Variants in PCDHGA4 observed in about 807,000 individuals in gnomAD.
The protein encoded by PCDHGA4 is protocadherin gamma subfamily A, 4, also known as protocadherin gamma-A4.
In PCDHGA4, 38 loss-of-function variants were observed where a neutral mutation model predicts 54.6. That is an observed-to-expected ratio of 0.70 (90% confidence interval 0.54 to 0.91). The LOEUF is 0.91. Among genes scored for constraint, PCDHGA4 ranks in the 40% least tolerant of loss-of-function variants. The pLI, the probability that PCDHGA4 is intolerant of heterozygous loss-of-function variation, is 0.00. For synonymous variants in PCDHGA4, 511 were observed against 512.9 expected, an observed-to-expected ratio of 1.00 and a Z score of 0.05; for missense variants, 1,298 against 1,220.9, an observed-to-expected ratio of 1.06 and a Z score of -0.94.
chr5:141,400,513 C>A, intron 1 of PCDHGA4: 1 of 1,613,994 alleles, frequency 6.2e-7, no homozygotes, highest in Non-Finnish European at 8.5e-7. Context: ...GTCGACTTCC[C>A]ATCCTGAGTT....
intron 1 of PCDHGA4, chr5:141,364,288 A>G (rs1051262701): frequency 5.9e-6 from 9 of 1,517,572 alleles, no homozygotes; most frequent in Non-Finnish European, 7.9e-6. Context: ...AGGAAACAGC[A>G]GGCTGAACCA....
intron 1 of PCDHGA4, among the ~76,000 whole-genome samples, chr5:141,381,826 CTTTTTTTTTTTT>C (rs770630741): frequency 2.7e-5 from 2 of 74,284 alleles, no homozygotes; most frequent in Non-Finnish European, 4.7e-5. Flanking sequence ...CTTTCTTCTT[CTTTTTTTTTTTT>C]TTTTTTTTTT....
Position 141,365,841 on chromosome 5 carries a change from A to G in PCDHGA4, c.2514+8220A>G, listed in dbSNP as rs765506735. 13 of 1,613,714 alleles carry G rather than the reference A, an allele frequency of 8.1e-6. No individual in the cohort carries two copies. The Admixed American group carries it at 8.3e-5, about 10-fold the overall frequency. On this transcript the variant is annotated intron_variant, in intron 1 of 3. Coordinates refer to ENST00000571252, the MANE Select transcript of PCDHGA4 (RefSeq NM_018917.4). ...TTTCAGGGGGCGCCCTTGTCCTCCT[A>G]TGTATCCATTAACTCTGACACCGGT... is the stretch of plus-strand genomic sequence containing the variant.
At chr5:141,376,211 G>A (rs1772408440) in intron 1 of PCDHGA4, 1 of 1,614,180 alleles carries the variant, frequency 6.2e-7, no homozygotes, top group Admixed American at 1.7e-5. Context: ...CTTCGTCATC[G>A]TGCTGCTGGC....
At chr5:141,462,122 C>A (rs1437400069) in intron 1 of PCDHGA4, among the ~76,000 whole-genome samples, 3 of 152,044 alleles carry the variant, frequency 2.0e-5, no homozygotes, top group Admixed American at 6.6e-5. Context: ...TGCACCCAGT[C>A]CAATTTTTTG....
At chr5:141,376,180 G>A (rs113596971) in intron 1 of PCDHGA4, 2 of 1,614,100 alleles carry the variant, frequency 1.2e-6, no homozygotes, top group Non-Finnish European at 8.5e-7. Context: ...CGGTGGCCGC[G>A]GTCTCCTGCG....
In PCDHGA4 at chr5:141,485,068, T is replaced by C; in HGVS notation, c.2515-9739T>C. On this transcript the variant is annotated intron_variant, in intron 1 of 3. Transcript: ENST00000571252. The surrounding 1 kb of genome is among the most constrained non-coding windows in gnomAD (Gnocchi z 5.7). ...GGCGCCGGCCGAACCGCGCCAGAGCTGGCGCGGGGAAAGGGAGATAGGTGT... is the reference window on the plus strand; with the variant it reads ...GGCGCCGGCCGAACCGCGCCAGAGCCGGCGCGGGGAAAGGGAGATAGGTGT... 1 of 896,972 alleles carries C rather than the reference T, an allele frequency of 1.1e-6. No homozygotes were observed. The highest frequency in any genetic ancestry group is 1.6e-5 in the South Asian group (1 of 61,812). The allele number at this position is 896,972 out of a possible 1,614,324, so 55.6% of individuals were successfully genotyped here. A position where few individuals can be genotyped will look rare whatever the true frequency, so the allele number is the denominator to read the frequency against.
At chr5:141,502,441 GAT>G (rs2099814262) in intron 2 of PCDHGA4, among the ~76,000 whole-genome samples, 1 of 152,000 alleles carries the variant, frequency 6.6e-6, no homozygotes, top group Non-Finnish European at 1.5e-5. Flanking sequence ...GTTAGATTCA[GAT>G]TACACACCTT....
chr5:141,395,542 TTGTGTGTGTGTGTGTGTGTG>T (rs55729045), intron 1 of PCDHGA4: 12 of 172,620 alleles, frequency 7.0e-5, no homozygotes, highest in Admixed American at 1.6e-4. Flanking sequence ...TTGCTATTGT[TTGTGTGTGTGTGTGTGTGTG>T]TGTGTGTGTG....
intron 1 of PCDHGA4, among the ~76,000 whole-genome samples, chr5:141,482,633 G>T (rs1218163238): frequency 2.0e-5 from 3 of 151,784 alleles, no homozygotes; most frequent in Non-Finnish European, 2.9e-5. Flanking sequence ...AGGAAGAAAT[G>T]ATAGAGGTGG....
chr5:141,402,921 T>C (rs1486440819), intron 1 of PCDHGA4: 1 of 1,575,122 alleles, frequency 6.3e-7, no homozygotes. Context: ...CGCACAGAGA[T>C]CCTTTTGAGA....
intron 2 of PCDHGA4, among the ~76,000 whole-genome samples, chr5:141,504,869 C>T (rs919109041): frequency 6.6e-6 from 1 of 152,134 alleles, no homozygotes; most frequent in Admixed American, 6.5e-5. Flanking sequence ...CCCACCTTCA[C>T]AGTCCTCTGG....
intron 1 of PCDHGA4, among the ~76,000 whole-genome samples, chr5:141,457,904 T>C (rs960822555): frequency 6.0e-5 from 9 of 150,288 alleles, no homozygotes; most frequent in African/African-American, 2.2e-4. Context: ...GTAGACAAGG[T>C]GTGAGGCCAG....
chr5:141,478,272 A>T, intron 1 of PCDHGA4: 7 of 1,614,160 alleles, frequency 4.3e-6, no homozygotes, highest in Non-Finnish European at 5.9e-6. Context: ...AAAGTTTACA[A>T]GTGGAAGCAG....
intron 1 of PCDHGA4, among the ~76,000 whole-genome samples, chr5:141,450,363 T>C (rs2098678373): frequency 6.6e-6 from 1 of 152,162 alleles, no homozygotes; most frequent in Admixed American, 6.5e-5. Flanking sequence ...TTCCTCAGCC[T>C]TGTTTGTTTA....
intron 1 of PCDHGA4, among the ~76,000 whole-genome samples, chr5:141,437,842 A>G (rs1372385076): frequency 2.0e-5 from 3 of 150,650 alleles, no homozygotes; most frequent in East Asian, 3.9e-4. Context: ...GGTTCATGCT[A>G]TTCTCCTGCC....
chr5:141,457,574 T>C (rs992522039), intron 1 of PCDHGA4, among the ~76,000 whole-genome samples: 2 of 152,238 alleles, frequency 1.3e-5, no homozygotes, highest in Non-Finnish European at 2.9e-5. Context: ...AAAATTTTTC[T>C]CTCCAGTCCT....
intron 1 of PCDHGA4, among the ~76,000 whole-genome samples, chr5:141,451,522 A>G (rs1387873094): frequency 6.6e-6 from 1 of 152,200 alleles, no homozygotes; most frequent in Non-Finnish European, 1.5e-5. Flanking sequence ...TAGAGCAAGT[A>G]AAGGAGAGTG....
At chr5:141,385,189 C>A (rs368141492) in intron 1 of PCDHGA4, 696 of 1,614,224 alleles carry the variant, frequency 4.3e-4, no homozygotes, top group Non-Finnish European at 5.4e-4. Flanking sequence ...CGCGGACTCT[C>A]GGAAGAGTCA....
Sources: allele counts gnomAD v4.1 joint callset (sites outside exome capture counted in the v4.1 genomes callset), GRCh38; gene constraint gnomAD v4.1.1; non-coding constraint Gnocchi (gnomAD v3.1); transcripts MANE v1.5; gene names NCBI Gene and HGNC (gene_info 2026-07-23, HGNC 2026-07-21).